Variants in MAPK8 observed in about 807,000 individuals in gnomAD.
The protein encoded by MAPK8 is JUN N-terminal kinase.
A neutral mutation model predicts 52.9 loss-of-function variants in MAPK8; 13 were observed. The observed-to-expected ratio is 0.25, with a 90% CI of 0.16 to 0.39. MAPK8 has a LOEUF of 0.39. MAPK8 is among the 10% of genes least tolerant of loss of function. MAPK8 has a pLI of 1.00. For missense variants in MAPK8, 300 were observed against 519.2 expected, an observed-to-expected ratio of 0.58 and a Z score of 4.10; for synonymous variants, 191 against 169.8, an observed-to-expected ratio of 1.12 and a Z score of -0.97.
intron 1 of MAPK8, among the ~76,000 whole-genome samples, chr10:48,393,950 AAAG>A (rs1463125046): frequency 6.6e-6 from 1 of 151,980 alleles, no homozygotes; most frequent in Non-Finnish European, 1.5e-5. Flanking sequence ...TGATTAGAAA[AAAG>A]AAGACACAAA....
chr10:48,318,017 G>T (rs754694920), intron 1 of MAPK8, among the ~76,000 whole-genome samples: 11 of 151,106 alleles, frequency 7.3e-5, no homozygotes, highest in Non-Finnish European at 1.0e-4. Flanking sequence ...TACCCAGGGT[G>T]AGATTTTGCC....
intron 1 of MAPK8, among the ~76,000 whole-genome samples, chr10:48,345,598 A>G (rs1378370711): frequency 6.6e-6 from 1 of 152,206 alleles, no homozygotes; most frequent in Non-Finnish European, 1.5e-5. Flanking sequence ...AATGGGATAG[A>G]TATACTTTTC....
At position 48,426,024 on chromosome 10, in the gene MAPK8, C is replaced by T. The variant is rs965645805; in HGVS notation, c.825C>T (p.Phe275=). The T allele has an allele frequency of 6.2e-7, 1 of 1,612,548 alleles. No homozygotes were observed. Among genetic ancestry groups the T allele is most frequent in the Non-Finnish European group, 8.5e-7 (1 of 1,179,340 alleles). ...KYAGYSFEKL[F]PDVLFPADSE... The stretch of plus-strand genomic sequence containing the variant: ...CTGGATATAGCTTTGAGAAACTCTT[C>T]CCTGATGTCCTTTTCCCAGCTGACT... Residue 275 remains phenylalanine (F), a synonymous_variant, in exon 8 of 12, where the codon TTC becomes TTT. Coordinates refer to ENST00000374189, the MANE Select transcript of MAPK8 (RefSeq NM_001323329.2).
intron 1 of MAPK8, among the ~76,000 whole-genome samples, chr10:48,326,153 A>G (rs967317760): frequency 6.6e-5 from 10 of 152,292 alleles, no homozygotes; most frequent in African/African-American, 2.4e-4. Flanking sequence ...ATGGCAGAGT[A>G]TCTACATAAA....
chr10:48,334,480 T>TACCC (rs1844472158), intron 1 of MAPK8, among the ~76,000 whole-genome samples: 1 of 152,102 alleles, frequency 6.6e-6, no homozygotes, highest in Non-Finnish European at 1.5e-5. Flanking sequence ...AGGCAGTACT[T>TACCC]AGAGTCCAAT....
chr10:48,327,157 G>A (rs192091756), intron 1 of MAPK8, among the ~76,000 whole-genome samples: 321 of 152,142 alleles, frequency 2.1e-3, no homozygotes, highest in African/African-American at 7.5e-3. Context: ...TTGTTCTTGG[G>A]GGGAAAGTAG....
At position 48,360,474 on chromosome 10, in the gene MAPK8, G is replaced by A. The variant is rs1847416901; in HGVS notation, c.-49-41138G>A. Among the ~76,000 whole-genome samples, 4 of 152,230 alleles carry A rather than the reference G, an allele frequency of 2.6e-5. No individual in the cohort carries two copies. In the South Asian group the frequency reaches 8.3e-4, roughly 32 times the overall value. ...AGTTAGGGTAAATAACCCTAGAAAAGCATAAGCAAATGTGTGGGGGAGGCA... is the reference window on the plus strand; with the variant it reads ...AGTTAGGGTAAATAACCCTAGAAAAACATAAGCAAATGTGTGGGGGAGGCA... On this transcript the variant is annotated intron_variant, in intron 1 of 11. Transcript: ENST00000374189.
intron 1 of MAPK8, among the ~76,000 whole-genome samples, chr10:48,391,930 G>C (rs1305518104): frequency 6.6e-6 from 1 of 152,218 alleles, no homozygotes; most frequent in East Asian, 1.9e-4. Flanking sequence ...TAAGGTATGG[G>C]GGAAGGAACA....
At chr10:48,423,531 T>A (rs566187193) in intron 6 of MAPK8, among the ~76,000 whole-genome samples, 1 of 152,320 alleles carries the variant, frequency 6.6e-6, no homozygotes, top group African/African-American at 2.4e-5. Flanking sequence ...GCATAGCACT[T>A]CTCAGTTAAA....
At chr10:48,432,254 T>A (rs1002357735) in intron 11 of MAPK8, among the ~76,000 whole-genome samples, 2 of 152,230 alleles carry the variant, frequency 1.3e-5, no homozygotes, top group African/African-American at 2.4e-5. Context: ...AAAATAGATG[T>A]TGTATCTAGC....
intron 1 of MAPK8, among the ~76,000 whole-genome samples, chr10:48,381,963 T>A (rs755541955): frequency 1.3e-5 from 2 of 152,088 alleles, no homozygotes; most frequent in Non-Finnish European, 2.9e-5. Flanking sequence ...GAGTCCTGAT[T>A]TTACACACCC....
At chr10:48,368,024 TAGGC>T (rs1383285646) in intron 1 of MAPK8, among the ~76,000 whole-genome samples, 1 of 152,164 alleles carries the variant, frequency 6.6e-6, no homozygotes, top group Non-Finnish European at 1.5e-5. Context: ...GGAGTGAAAT[TAGGC>T]AGAGAGAGTA....
At chr10:48,432,717 G>A (rs1170804213) in intron 11 of MAPK8, among the ~76,000 whole-genome samples, 13 of 152,170 alleles carry the variant, frequency 8.5e-5, no homozygotes, top group Admixed American at 6.5e-5. Context: ...ATAATTTCAT[G>A]AGTTAGAGCA....
At chr10:48,420,121 A>C (rs375599274) in intron 5 of MAPK8, 34 bp from the exon 6 acceptor site, 41 of 1,515,688 alleles carry the variant, frequency 2.7e-5, no homozygotes, top group Admixed American at 5.2e-5. Context: ...CCTATATATC[A>C]TGGCAGTCAT....
chr10:48,338,690 G>C lies in MAPK8; in HGVS notation c.-50+31869G>C, dbSNP rs73293192. On this transcript the variant is annotated intron_variant, in intron 1 of 11. Transcript: ENST00000374189. ...CTAAAAAAACCCTGAAAGATTCCCC[G>C]AAAGACTCCTGGACCTGAGAAACAA... is the stretch of plus-strand genomic sequence containing the variant. Among the ~76,000 whole-genome samples, 532 of 152,124 alleles carry C rather than the reference G, an allele frequency of 3.5e-3. 5 individuals carry two copies. The highest frequency in any genetic ancestry group is 0.012 in the African/African-American group (519 of 41,540).
At chr10:48,433,942 AT>A (rs1380420935) in intron 11 of MAPK8, among the ~76,000 whole-genome samples, 1 of 152,206 alleles carries the variant, frequency 6.6e-6, no homozygotes, top group Non-Finnish European at 1.5e-5. Context: ...AGTAACTTGC[AT>A]TATTCCAATT....
At chr10:48,395,477 T>G (rs746942850) in intron 1 of MAPK8, among the ~76,000 whole-genome samples, 1 of 152,032 alleles carries the variant, frequency 6.6e-6, no homozygotes, top group Non-Finnish European at 1.5e-5. Flanking sequence ...AATCTTAACC[T>G]TTAAGTGGGC....
rs1485682494 is a variant in MAPK8 at position 48,412,614 on chromosome 10, C to CAA, written c.450+2446_450+2447insAA. Among the ~76,000 whole-genome samples, 13 of 152,310 alleles carry CAA rather than the reference C, an allele frequency of 8.5e-5. No homozygotes were observed. In the East Asian group the frequency reaches 2.3e-3, roughly 27 times the overall value. On this transcript the variant is annotated intron_variant, in intron 5 of 11. Transcript: ENST00000374189. ...GTCCCAGGCAGCATTGGGCTATTTA[C>CAA]TTGCCTTAACCATGTTTTCAAGGAA...
intron 5 of MAPK8, among the ~76,000 whole-genome samples, chr10:48,419,557 C>A (rs2043237242): frequency 6.6e-6 from 1 of 152,104 alleles, no homozygotes; most frequent in Non-Finnish European, 1.5e-5. Flanking sequence ...GCAATGGTGT[C>A]CTACTTCTAC....
Sources: allele counts gnomAD v4.1 joint callset (sites outside exome capture counted in the v4.1 genomes callset), GRCh38; gene constraint gnomAD v4.1.1; transcripts MANE v1.5; gene names NCBI Gene and HGNC (gene_info 2026-07-23, HGNC 2026-07-21).